TSEN2: variants seen among roughly 807,000 people sequenced by gnomAD.
The protein encoded by TSEN2 is tRNA splicing endonuclease subunit 2.
A neutral mutation model predicts 59.2 loss-of-function variants in TSEN2; 54 were observed. The observed-to-expected ratio is 0.91, with a 90% CI of 0.73 to 1.14. The LOEUF (loss-of-function observed/expected upper bound fraction) is 1.14. Ranked by LOEUF, TSEN2 falls within the 50% of genes most tolerant of loss-of-function variation. TSEN2 has a pLI of 0.00. For synonymous variants in TSEN2, 195 were observed against 198.2 expected, an observed-to-expected ratio of 0.98 and a Z score of 0.14; for missense variants, 636 against 576.2, an observed-to-expected ratio of 1.10 and a Z score of -1.06.
At chr3:12,518,958 C>G (rs546172568) in intron 7 of TSEN2, 101 bp from the exon 8 acceptor site, 1 of 1,205,214 alleles carries the variant, frequency 8.3e-7, no homozygotes, top group Non-Finnish European at 1.2e-6. Flanking sequence ...ATTTTCTTCA[C>G]TGCTTCAGCT....
At chr3:12,516,564 ATG>A in intron 6 of TSEN2, 45 bp from the exon 7 acceptor site, 1 of 1,589,890 alleles carries the variant, frequency 6.3e-7, no homozygotes, top group Non-Finnish European at 8.6e-7. Context: ...TTTCACAAGA[ATG>A]TGAAACTATT....
intron 2 of TSEN2, 69 bp downstream of exon 2, chr3:12,490,058 C>T (rs2053054654): frequency 4.3e-6 from 6 of 1,380,802 alleles, no homozygotes; most frequent in Non-Finnish European, 6.2e-6. Flanking sequence ...TCCTTCTCCC[C>T]ATCCCAGCCA....
chr3:12,498,975 G>A (rs1360031657), intron 4 of TSEN2, among the ~76,000 whole-genome samples: 2 of 152,066 alleles, frequency 1.3e-5, no homozygotes. Context: ...GCCCAGGCTG[G>A]TCTTGGGCTC....
rs536791224 is a variant in TSEN2 at position 12,502,910 on chromosome 3, A to G, written c.309-352A>G. The stretch of plus-strand genomic sequence containing the variant: ...AATATAGTGAAACCCCATCTCTACT[A>G]AAAATACAAAAATTAGCCAGGTGTG... On this transcript the variant is annotated intron_variant, in intron 4 of 11. Coordinates refer to ENST00000284995, the MANE Select transcript of TSEN2 (RefSeq NM_025265.4). Among the ~76,000 whole-genome samples, 480 of 152,038 alleles carry G rather than the reference A, an allele frequency of 3.2e-3. 3 individuals are homozygous for G. The highest frequency in any genetic ancestry group is 0.011 in the African/African-American group (451 of 41,462).
chr3:12,492,060 A>T, intron 2 of TSEN2, 76 bp from the exon 3 acceptor site: 3 of 1,277,162 alleles, frequency 2.3e-6, no homozygotes, highest in Non-Finnish European at 3.4e-6. Context: ...ATACTGAGGG[A>T]TTACTGTATA....
chr3:12,517,493 T>C (rs1210767833), intron 7 of TSEN2, among the ~76,000 whole-genome samples: 1 of 152,180 alleles, frequency 6.6e-6, no homozygotes, highest in Non-Finnish European at 1.5e-5. Context: ...GCCCATGACT[T>C]TGTGCTGTTG....
At chr3:12,527,836 G>C (rs1429091195) in intron 8 of TSEN2, among the ~76,000 whole-genome samples, 1 of 152,148 alleles carries the variant, frequency 6.6e-6, no homozygotes, top group Non-Finnish European at 1.5e-5. Flanking sequence ...GGGAGACTGA[G>C]AGCTGTGGTC....
At chr3:12,495,454 T>C (rs2053655091) in intron 3 of TSEN2, among the ~76,000 whole-genome samples, 2 of 152,154 alleles carry the variant, frequency 1.3e-5, no homozygotes. Flanking sequence ...GGTCTTGAAC[T>C]CCTGAGCTCA....
chr3:12,497,662 T>A (rs1355586634), intron 4 of TSEN2, among the ~76,000 whole-genome samples: 1 of 152,168 alleles, frequency 6.6e-6, no homozygotes, highest in Non-Finnish European at 1.5e-5. Context: ...GGCCACAACA[T>A]GACATAAGGT....
At chr3:12,526,512 G>A (rs924217376) in intron 8 of TSEN2, among the ~76,000 whole-genome samples, 1 of 152,196 alleles carries the variant, frequency 6.6e-6, no homozygotes, top group South Asian at 2.1e-4. Context: ...GTGGTGGGCT[G>A]TACCATCTAG....
At chr3:12,536,804 C>T (rs1413794203), downstream of TSEN2, among the ~76,000 whole-genome samples, 2 of 151,938 alleles carry the variant, frequency 1.3e-5, no homozygotes, top group African/African-American at 2.4e-5. Flanking sequence ...AGTTCAAAAA[C>T]TAGAGTGGCC....
At chr3:12,481,661 C>T (rs1220833526), upstream of TSEN2, among the ~76,000 whole-genome samples, 1 of 151,970 alleles carries the variant, frequency 6.6e-6, no homozygotes, top group Non-Finnish European at 1.5e-5. Context: ...CTGTTGGCTG[C>T]GAGTTCAGTG....
At chr3:12,494,527 A>G (rs991904904) in intron 3 of TSEN2, among the ~76,000 whole-genome samples, 7 of 152,016 alleles carry the variant, frequency 4.6e-5, no homozygotes, top group Non-Finnish European at 1.0e-4. Context: ...CTCCTGGGTG[A>G]GTAGCTGGGA....
At position 12,509,075 on chromosome 3, in the gene TSEN2, A is replaced by G. The variant is rs778758222; in HGVS notation, c.909+3844A>G. Among the ~76,000 whole-genome samples, 18 of 152,186 alleles carry G rather than the reference A, an allele frequency of 1.2e-4. 1 individual carries two copies. Among genetic ancestry groups the G allele is most frequent in the Admixed American group, 2.6e-4 (4 of 15,274 alleles). On this transcript the variant is annotated intron_variant, in intron 6 of 11. Transcript: ENST00000284995. ...TAATTAGCAAGATCCAGTGAGAAAT[A>G]GATTGATTTGGGGGAGCAAATTTTT...
chr3:12,490,955 C>G (rs2053154320), intron 2 of TSEN2, among the ~76,000 whole-genome samples: 1 of 150,654 alleles, frequency 6.6e-6, no homozygotes. Context: ...GTGCTGTATG[C>G]ATTATTTATT....
chr3:12,532,049 C>T (rs2057493258), intron 11 of TSEN2, among the ~76,000 whole-genome samples: 1 of 152,196 alleles, frequency 6.6e-6, no homozygotes, highest in Admixed American at 6.5e-5. Context: ...GTCATCTTGG[C>T]TTGTTTCTCT....
chr3:12,532,547 G>A (rs775868454), intron 11 of TSEN2, 115 bp from the exon 12 acceptor site: 1 of 939,976 alleles, frequency 1.1e-6, no homozygotes, highest in Non-Finnish European at 1.7e-6. Context: ...GGTGGGAACA[G>A]TATCATCATT....
intron 5 of TSEN2, among the ~76,000 whole-genome samples, chr3:12,504,681 T>G (rs751706840): frequency 3.3e-5 from 5 of 152,182 alleles, no homozygotes; most frequent in Non-Finnish European, 7.3e-5. Context: ...AATGAGAATC[T>G]TCATAGTGAA....
Position 12,505,234 on chromosome 3 carries a change from A to G in TSEN2, c.909+3A>G, listed in dbSNP as rs371751002. ...ATTTGCAACTCAGCCTAGAAGAGGT[A>G]TGTTTTCAACATATTATTATTTCAG... On this transcript the variant is annotated splice_donor_region_variant and intron_variant, in intron 6 of 11. Coordinates refer to ENST00000284995, the MANE Select transcript of TSEN2 (RefSeq NM_025265.4). 8 of 1,591,732 alleles carry G rather than the reference A, an allele frequency of 5.0e-6. No homozygotes were observed. The highest frequency in any genetic ancestry group is 6.9e-6 in the Non-Finnish European group (8 of 1,159,780).
Sources: allele counts gnomAD v4.1 joint callset (sites outside exome capture counted in the v4.1 genomes callset), GRCh38; gene constraint gnomAD v4.1.1; transcripts MANE v1.5; gene names NCBI Gene and HGNC (gene_info 2026-07-23, HGNC 2026-07-21).